Variants in AOX1 observed in about 807,000 individuals in gnomAD.
The protein encoded by AOX1 is aldehyde oxidase.
Under a neutral mutation model 169.5 loss-of-function variants are expected in AOX1, and 153 were observed. The ratio of observed to expected loss-of-function variants is 0.90; its 90% CI spans 0.79 to 1.03. AOX1 has a LOEUF of 1.03. Among genes scored for constraint, AOX1 ranks in the 50% least tolerant of loss-of-function variants. The pLI is 0.00. For missense variants in AOX1, 1,656 were observed against 1,663.9 expected, an observed-to-expected ratio of 1.00 and a Z score of 0.08; for synonymous variants, 562 against 581.9, an observed-to-expected ratio of 0.97 and a Z score of 0.49.
chr2:200,602,969 A>G (rs1044634744), intron 6 of AOX1, among the ~76,000 whole-genome samples: 1 of 152,210 alleles, frequency 6.6e-6, no homozygotes, highest in South Asian at 2.1e-4. Flanking sequence ...TATTTAAAAT[A>G]CTAACAATAT....
At chr2:200,595,234 T>C (rs1191904703) in intron 2 of AOX1, 38 bp from the exon 3 acceptor site, 2 of 1,538,978 alleles carry the variant, frequency 1.3e-6, no homozygotes, top group Non-Finnish European at 1.8e-6. Context: ...GAAAGAGAAT[T>C]ACATAACACA....
chr2:200,587,990 AC>A (rs1435487900), intron 1 of AOX1, among the ~76,000 whole-genome samples: 3 of 152,184 alleles, frequency 2.0e-5, no homozygotes, highest in Admixed American at 1.3e-4. Flanking sequence ...CACAGAAATA[AC>A]AAGTCCTTGC....
intron 18 of AOX1, among the ~76,000 whole-genome samples, chr2:200,621,869 C>T (rs928094048): frequency 6.6e-6 from 1 of 152,200 alleles, no homozygotes. Context: ...TCTCCTGCCT[C>T]AGCTTCCTGA....
intron 17 of AOX1, 121 bp downstream of exon 17, chr2:200,620,940 G>A (rs1218490682): frequency 7.6e-7 from 1 of 1,320,642 alleles, no homozygotes; most frequent in Admixed American, 2.4e-5. Context: ...ATGCAGACCA[G>A]AGGTGAAACA....
chr2:200,648,544 T>C (rs1481580949), intron 25 of AOX1, among the ~76,000 whole-genome samples: 1 of 152,178 alleles, frequency 6.6e-6, no homozygotes, highest in Admixed American at 6.5e-5. Context: ...TGGTTTATGC[T>C]CTATTTTTGT....
At position 200,595,328 on chromosome 2, in the gene AOX1, G is replaced by C. The variant is rs1435982408; in HGVS notation, c.160G>C (p.Val54Leu). The change falls in exon 3 of 35, where the codon GTG (valine) becomes CTG (leucine). Residue 54 changes from valine to leucine, a missense_variant. Val to Leu is a conservative substitution (Grantham distance 32). Transcript: ENST00000374700. ...AGGAGGAGGCTGTGGTGCTTGTACA[G>C]TGATGATATCACGATACAACCCCAT... is the stretch of plus-strand genomic sequence containing the variant. ...CGGGGCGACT[V>L]MISRYNPITK... 3.7e-6 allele frequency: 6 copies of C among 1,613,144 alleles called. No homozygotes were observed. The highest frequency in any genetic ancestry group is 5.1e-6 in the Non-Finnish European group (6 of 1,179,336).
intron 23 of AOX1, among the ~76,000 whole-genome samples, chr2:200,638,925 G>A (rs1256218617): frequency 6.6e-6 from 1 of 152,148 alleles, no homozygotes; most frequent in Non-Finnish European, 1.5e-5. Flanking sequence ...ATCATTGAGG[G>A]GGGAAAGGGG....
At chr2:200,676,859 A>G (rs1356122661) in intron 4 of AOX1, 1 of 464,134 alleles carries the variant, frequency 2.2e-6, no homozygotes, top group South Asian at 1.6e-5. Context: ...TGCTTCATCC[A>G]CTATTCATCC....
In AOX1 at chr2:200,670,974, A is replaced by G. The variant is rs1299185732; in HGVS notation, c.*295A>G. 9 of 323,294 alleles carry G rather than the reference A, an allele frequency of 2.8e-5. No homozygotes were observed. The highest frequency in any genetic ancestry group is 4.5e-5 in the Non-Finnish European group (8 of 177,952). 20.0% of individuals were successfully genotyped at this position (323,294 alleles called of 1,614,324 possible). A position where few individuals can be genotyped will look rare whatever the true frequency, so the allele number is the denominator to read the frequency against. On this transcript the variant is annotated 3_prime_UTR_variant, in exon 35 of 35. Transcript: ENST00000374700. ...ATCCAGCTAAATGGAATAGGTGATG[A>G]CTTGCATGTGACTCCTACTTGGCTT... is the stretch of plus-strand genomic sequence containing the variant.
In AOX1 at chr2:200,595,294, T is replaced by C. The variant is rs752187621; in HGVS notation, c.126T>C (p.Tyr42=). Residue 42 remains tyrosine (Y), a synonymous_variant, in exon 3 of 35, where the codon TAT becomes TAC. Transcript: ENST00000374700. ...RKKLRLTGTK[Y]GCGGGGCGAC... ...CAGTTCGACTCACAGGAACTAAGTA[T>C]GGCTGTGGAGGAGGAGGCTGTGGTG... 12 of 1,613,064 alleles carry C rather than the reference T, an allele frequency of 7.4e-6. No individual in the cohort carries two copies. The highest frequency in any genetic ancestry group is 4.4e-5 in the South Asian group (4 of 91,034).
At chr2:200,659,501 C>G (rs752577498) in intron 28 of AOX1, among the ~76,000 whole-genome samples, 32 of 152,178 alleles carry the variant, frequency 2.1e-4, no homozygotes, top group Non-Finnish European at 2.2e-4. Flanking sequence ...TTCTAATCAG[C>G]AAGTCCTTTC....
intron 1 of AOX1, among the ~76,000 whole-genome samples, chr2:200,591,000 C>T (rs17532777): frequency 0.16 from 24,306 of 152,180 alleles, 2,246 homozygotes; most frequent in Non-Finnish European, 0.21. Flanking sequence ...GGATAGACAA[C>T]CTACAGTTTC....
At chr2:200,625,843 T>C (rs2034988952) in intron 19 of AOX1, among the ~76,000 whole-genome samples, 1 of 152,088 alleles carries the variant, frequency 6.6e-6, no homozygotes. Flanking sequence ...GTGTTATCAA[T>C]CAAAATAGAA....
chr2:200,635,261 T>C (rs1382083657), intron 21 of AOX1, among the ~76,000 whole-genome samples: 1 of 152,204 alleles, frequency 6.6e-6, no homozygotes, highest in Non-Finnish European at 1.5e-5. Flanking sequence ...GAGCCTTTTG[T>C]TTGTGGATTG....
chr2:200,617,212 C>A lies in AOX1; in HGVS notation c.1704+1149C>A, dbSNP rs183128061. On this transcript the variant is annotated intron_variant, in intron 16 of 34. Transcript: ENST00000374700. ...AAAGTTTTAGATGCAATATGTCTGC[C>A]ACATAGATGAGTTTTGTTTTTGTTT... Among the ~76,000 whole-genome samples the A allele has an allele frequency of 9.3e-3, 1,221 of 131,094 alleles. 11 individuals are homozygous for A. The highest frequency in any genetic ancestry group is 0.017 in the Non-Finnish European group (944 of 54,010). 86.0% of individuals were successfully genotyped at this position (131,094 alleles called of 152,430 possible).
chr2:200,639,760 C>T lies in AOX1; in HGVS notation c.2569-1338C>T, dbSNP rs562379746. On this transcript the variant is annotated intron_variant, in intron 23 of 34. Transcript: ENST00000374700. ...TAGGTCTTCAAGAATGGAGGCCAGG[C>T]ACGGTGGCTCAGGCCTGTAATCCTA... Among the ~76,000 whole-genome samples the T allele has an allele frequency of 4.6e-5, 7 of 152,194 alleles. No individual in the cohort carries two copies. In the South Asian group the frequency reaches 1.2e-3, roughly 27 times the overall value.
intron 8 of AOX1, among the ~76,000 whole-genome samples, 160 bp downstream of exon 8, chr2:200,604,257 G>A (rs2034470957): frequency 6.6e-6 from 1 of 152,228 alleles, no homozygotes; most frequent in South Asian, 2.1e-4. Flanking sequence ...AGGAAGAGGA[G>A]GAGGAATGGG....
intron 33 of AOX1, among the ~76,000 whole-genome samples, chr2:200,669,106 AAT>A (rs1412759554): frequency 6.6e-6 from 1 of 152,162 alleles, no homozygotes; most frequent in Non-Finnish European, 1.5e-5. Context: ...GAATTCTAAG[AAT>A]GGGAATATTG....
intron 3 of AOX1, 94 bp downstream of exon 3, chr2:200,595,462 C>G: frequency 1.2e-6 from 1 of 830,404 alleles, no homozygotes; most frequent in Non-Finnish European, 1.9e-6. Context: ...GAGTACCTAC[C>G]ATGTGAAAAG....
Sources: gnomAD v4.1 joint callset for allele counts (sites outside exome capture counted in the v4.1 genomes callset) on GRCh38, gnomAD v4.1.1 for gene constraint, MANE v1.5 for transcripts, NCBI Gene and HGNC (gene_info 2026-07-23, HGNC 2026-07-21) for gene names.